The following RTBDN variants were observed in gnomAD, a reference collection of about 807,000 sequenced individuals.
RTBDN encodes the protein retbindin.
Under a neutral mutation model 21.9 loss-of-function variants are expected in RTBDN, and 24 were observed. The ratio of observed to expected loss-of-function variants is 1.10; its 90% CI spans 0.79 to 1.54. The LOEUF (loss-of-function observed/expected upper bound fraction) is 1.54. Ranked by LOEUF, RTBDN falls within the 40% of genes most tolerant of loss-of-function variation. The probability of loss-of-function intolerance (pLI) is 0.00; values close to 1 mark genes in which losing one functional copy is unlikely to be tolerated. For missense variants in RTBDN, 325 were observed against 315.2 expected, an observed-to-expected ratio of 1.03 and a Z score of -0.23; for synonymous variants, 141 against 125.9, an observed-to-expected ratio of 1.12 and a Z score of -0.80.
chr19:12,832,709 TATACAG>T (rs1401745690), intron 1 of RTBDN: 2 of 152,092 alleles, frequency 1.3e-5, no homozygotes, highest in Non-Finnish European at 2.9e-5. Flanking sequence ...CCGACAAACA[TATACAG>T]AGACAGACAG....
Position 12,825,807 on chromosome 19 carries a change from G to A in RTBDN, c.589C>T (p.Arg197Trp), listed in dbSNP as rs762140060. ...CGCCGGGAGGGAGCTTCCCGGCCCCGTCGTCCTGGTCTGGGACGAGGTACC... is the reference window on the plus strand; with the variant it reads ...CGCCGGGAGGGAGCTTCCCGGCCCCATCGTCCTGGTCTGGGACGAGGTACC... The part of the protein sequence containing the change: ...SAVPRPRPGR[R>W]GREAPSRRSR... The change falls in exon 6 of 6, where the codon CGG (arginine) becomes TGG (tryptophan). Residue 197 changes from arginine (R) to tryptophan (W), a missense_variant. Coordinates refer to ENST00000674343, the MANE Select transcript of RTBDN (RefSeq NM_001270441.2). 6.2e-6 allele frequency: 10 copies of A among 1,612,172 alleles called. No individual in the cohort carries two copies. The highest frequency in any genetic ancestry group is 8.5e-6 in the Non-Finnish European group (10 of 1,179,000).
intron 4 of RTBDN, among the ~76,000 whole-genome samples, chr19:12,827,398 C>A (rs1969353798): frequency 6.7e-6 from 1 of 150,150 alleles, no homozygotes. Context: ...TCTCTGCTTC[C>A]TGCAACCTCT....
chr19:12,825,955 G>GC (rs1179264153), intron 5 of RTBDN, 22 bp from the exon 6 acceptor site: 9 of 1,545,430 alleles, frequency 5.8e-6, no homozygotes, highest in Admixed American at 3.9e-5. Flanking sequence ...TGGAGTTAAG[G>GC]CCCTAGTGGG....
intron 4 of RTBDN, among the ~76,000 whole-genome samples, chr19:12,827,361 TA>T (rs1969351813): frequency 6.7e-6 from 1 of 149,400 alleles, no homozygotes; most frequent in Non-Finnish European, 1.5e-5. Flanking sequence ...CCTGCTCTGT[TA>T]CCCAGGCTGG....
In RTBDN at chr19:12,826,313, C is replaced by G. The variant is rs564338475; in HGVS notation, c.463-380G>C. On this transcript the variant is annotated intron_variant, in intron 5 of 5. Coordinates refer to ENST00000674343, the MANE Select transcript of RTBDN (RefSeq NM_001270441.2). ...GAGCTTTTGGGGTCAAAGGGCACAA[C>G]CCAGTAGGAGGTTGGGCTAGGGAAG... The G allele has an allele frequency of 1.6e-5, 20 of 1,221,972 alleles. No individual in the cohort carries two copies. The African/African-American group carries it at 2.7e-4, about 17-fold the overall frequency. 75.7% of individuals were successfully genotyped at this position (1,221,972 alleles called of 1,614,324 possible).
chr19:12,827,832 C>T, intron 4 of RTBDN, among the ~76,000 whole-genome samples: 1 of 151,630 alleles, frequency 6.6e-6, no homozygotes, highest in South Asian at 2.1e-4. Flanking sequence ...GGTGGCTCAC[C>T]CCTGTAATCC....
chr19:12,832,847 G>A (rs1377351433), intron 1 of RTBDN: 6 of 152,192 alleles, frequency 3.9e-5, no homozygotes, highest in African/African-American at 1.4e-4. Context: ...CGCGCCCTCC[G>A]GGACCTTGGG....
At chr19:12,826,616 C>A in intron 5 of RTBDN, 159 bp downstream of exon 5, 1 of 706,846 alleles carries the variant, frequency 1.4e-6, no homozygotes. Flanking sequence ...ATCACTTGAA[C>A]CCCGGAGGCG....
chr19:12,826,354 C>A, intron 5 of RTBDN: 1 of 1,258,002 alleles, frequency 7.9e-7, no homozygotes, highest in Non-Finnish European at 1.0e-6. Context: ...GAGCAGGGAC[C>A]TGGGGAGTAC....
At chr19:12,832,903 G>A (rs530611727) in intron 1 of RTBDN, 1 of 152,356 alleles carries the variant, frequency 6.6e-6, no homozygotes, top group South Asian at 2.1e-4. Context: ...CTGTCCCCCA[G>A]TGCCAAGACT....
upstream of RTBDN, chr19:12,834,759 C>G: frequency 6.2e-7 from 1 of 1,612,550 alleles, no homozygotes; most frequent in Non-Finnish European, 8.5e-7. The surrounding 1 kb of genome is among the most constrained non-coding windows in gnomAD (Gnocchi z 4.7). Context: ...AAGGCGGGGA[C>G]AAACTCAGGT....
At chr19:12,829,022 G>A (rs756738664) in intron 2 of RTBDN, 69 bp from the exon 3 acceptor site, 1 of 1,597,818 alleles carries the variant, frequency 6.3e-7, no homozygotes, top group Non-Finnish European at 8.5e-7. Flanking sequence ...TGAGGCCTGG[G>A]GATCCCCTGG....
At chr19:12,833,582 T>A (rs770939828) in intron 1 of RTBDN, among the ~76,000 whole-genome samples, 12 of 152,108 alleles carry the variant, frequency 7.9e-5, no homozygotes, top group Admixed American at 2.0e-4. Flanking sequence ...AGGGAATGTA[T>A]CTCAGGGAGA....
rs947679435 is a variant in RTBDN, at chr19:12,827,883, A to G, written c.365+774T>C. Among the ~76,000 whole-genome samples, 15 of 151,752 alleles carry G rather than the reference A, an allele frequency of 9.9e-5. No homozygotes were observed. In the East Asian group the frequency reaches 2.9e-3, roughly 30 times the overall value. Reference sequence around the variant, plus strand: ...CCAAGGCAGGCGGACCACCTAGGTCAGGAGTTTGAGACCAGCTTGGCCAAC... The same window carrying G: ...CCAAGGCAGGCGGACCACCTAGGTCGGGAGTTTGAGACCAGCTTGGCCAAC... On this transcript the variant is annotated intron_variant, in intron 4 of 5. Coordinates refer to ENST00000674343, the MANE Select transcript of RTBDN (RefSeq NM_001270441.2).
intron 4 of RTBDN, among the ~76,000 whole-genome samples, chr19:12,827,744 C>T (rs1418035801): frequency 6.6e-6 from 1 of 152,132 alleles, no homozygotes; most frequent in African/African-American, 2.4e-5. Context: ...ACTGAGATTA[C>T]AGGCACCCAC....
upstream of RTBDN, chr19:12,834,852 G>A (rs947270302): frequency 1.2e-6 from 2 of 1,614,056 alleles, no homozygotes; most frequent in African/African-American, 2.7e-5. The surrounding 1 kb of genome is among the most constrained non-coding windows in gnomAD (Gnocchi z 4.7). Flanking sequence ...CGTTTCTGAG[G>A]GGTTAGTACG....
chr19:12,829,661 A>T, intron 2 of RTBDN, 150 bp downstream of exon 2: 1 of 758,908 alleles, frequency 1.3e-6, no homozygotes, highest in South Asian at 1.9e-5. Flanking sequence ...CAGGCAGTCT[A>T]ATTCTTATCC....
chr19:12,829,910 G>A lies in RTBDN; in HGVS notation c.70C>T (p.Leu24=), dbSNP rs755527910. 3 of 1,614,030 alleles carry A rather than the reference G, an allele frequency of 1.9e-6. No individual in the cohort carries two copies. The East Asian group carries it at 6.7e-5, about 36-fold the overall frequency. The change falls in exon 2 of 6, where the codon CTG becomes TTG. Residue 24 remains leucine, a synonymous_variant. Coordinates refer to ENST00000674343, the MANE Select transcript of RTBDN (RefSeq NM_001270441.2). ...WVLQLTLAWI[L]LEACGGSRPL... ...CGGCTCCCTCCACAGGCTTCTAGCA[G>A]GATCCATGCCAAGGTCAGTTGCAGC...
chr19:12,835,011 A>C (rs541875002), upstream of RTBDN: 35 of 1,586,652 alleles, frequency 2.2e-5, no homozygotes, highest in African/African-American at 4.3e-4. Context: ...GTTTAGATAA[A>C]GCCGAGAATG....
Sources: gnomAD v4.1 joint callset for allele counts (sites outside exome capture counted in the v4.1 genomes callset) on GRCh38, gnomAD v4.1.1 for gene constraint, Gnocchi (gnomAD v3.1) non-coding constraint, MANE v1.5 for transcripts, NCBI Gene and HGNC (gene_info 2026-07-23, HGNC 2026-07-21) for gene names.